RPSA2: variants seen among roughly 807,000 people sequenced by gnomAD.
The protein encoded by RPSA2 is small ribosomal subunit protein uS2B.
At chr19:23,784,389 C>T in the RPSA2 span, among the ~76,000 whole-genome samples, 2 of 152,190 alleles carry the variant, frequency 1.3e-5, no homozygotes, top group African/African-American at 4.8e-5. Context: ...GAATGCACTC[C>T]ACAGTTGGAA....
the RPSA2 span, among the ~76,000 whole-genome samples, chr19:23,811,699 AACC>A: frequency 0.98 from 148,839 of 152,168 alleles, 72,884 homozygotes; most frequent in Middle Eastern, 1. Flanking sequence ...TAAAATTTTC[AACC>A]ACTTTTGTCA....
At chr19:23,823,787 G>A in the RPSA2 span, 16 of 152,512 alleles carry the variant, frequency 1.0e-4, no homozygotes, top group African/African-American at 3.6e-4. Flanking sequence ...TAGCCCCTTA[G>A]ATTCTGTTGT....
chr19:23,868,315 C>T, the RPSA2 span, among the ~76,000 whole-genome samples: 4 of 152,152 alleles, frequency 2.6e-5, no homozygotes, highest in Admixed American at 6.6e-5. Context: ...GTGAGACATC[C>T]GGTCATGTAT....
the RPSA2 span, chr19:23,827,686 G>C: frequency 6.3e-7 from 1 of 1,594,416 alleles, no homozygotes; most frequent in Non-Finnish European, 8.5e-7. Context: ...GTTTGATGTG[G>C]TGGATGCTGG....
At chr19:23,832,100 C>T in the RPSA2 span, 4 of 451,726 alleles carry the variant, frequency 8.9e-6, no homozygotes, top group Non-Finnish European at 1.8e-5. Context: ...TCAACCCTTA[C>T]TACACATAAA....
chr19:23,759,116 C>T, the RPSA2 span, among the ~76,000 whole-genome samples: 1 of 152,166 alleles, frequency 6.6e-6, no homozygotes, highest in Non-Finnish European at 1.5e-5. Context: ...GCCCACCCAA[C>T]AGGGTATTTG....
At chr19:23,869,746 C>G in the RPSA2 span, among the ~76,000 whole-genome samples, 36 of 152,134 alleles carry the variant, frequency 2.4e-4, no homozygotes, top group Non-Finnish European at 4.4e-5. Context: ...AGGTCCAATT[C>G]AAGAAACAAT....
At chr19:23,866,019 C>T in the RPSA2 span, among the ~76,000 whole-genome samples, 2 of 152,104 alleles carry the variant, frequency 1.3e-5, no homozygotes, top group Non-Finnish European at 2.9e-5. Flanking sequence ...GTGTGCAGAC[C>T]AGGCTAGGCA....
chr19:23,828,876 T>C, the RPSA2 span, among the ~76,000 whole-genome samples: 1 of 151,958 alleles, frequency 6.6e-6, no homozygotes, highest in Non-Finnish European at 1.5e-5. Context: ...TTATATTGCT[T>C]TCTGTGTGTT....
chr19:23,857,225 TG>T, the RPSA2 span, among the ~76,000 whole-genome samples: 1 of 152,210 alleles, frequency 6.6e-6, no homozygotes, highest in African/African-American at 2.4e-5. Flanking sequence ...ACAATCAATT[TG>T]TACAGTTAAC....
At chr19:23,782,857 C>T in the RPSA2 span, among the ~76,000 whole-genome samples, 4 of 152,082 alleles carry the variant, frequency 2.6e-5, no homozygotes, top group Non-Finnish European at 4.4e-5. Flanking sequence ...CCACAAGAGA[C>T]ATTGTGACAT....
At chr19:23,834,230 T>C in the RPSA2 span, among the ~76,000 whole-genome samples, 389 of 152,190 alleles carry the variant, frequency 2.6e-3, 1 homozygote, top group Non-Finnish European at 4.2e-3. Flanking sequence ...TGGAGAGTTA[T>C]AATTACATTC....
the RPSA2 span, among the ~76,000 whole-genome samples, chr19:23,857,800 T>G: frequency 6.6e-6 from 1 of 152,080 alleles, no homozygotes; most frequent in Non-Finnish European, 1.5e-5. Flanking sequence ...TGGCCCTTTT[T>G]TAAAGTCTTA....
At chr19:23,839,289 A>G in the RPSA2 span, among the ~76,000 whole-genome samples, 1 of 152,222 alleles carries the variant, frequency 6.6e-6, no homozygotes, top group Admixed American at 6.5e-5. Context: ...TTCCACTGTG[A>G]TCTGAGAGAG....
At chr19:23,832,401 A>G in the RPSA2 span, 1 of 506,506 alleles carries the variant, frequency 2.0e-6, no homozygotes, top group Non-Finnish European at 4.0e-6. Context: ...AATGTGAAGA[A>G]TGTGGCAAAG....
At chr19:23,858,265 T>A in the RPSA2 span, among the ~76,000 whole-genome samples, 1 of 108,504 alleles carries the variant, frequency 9.2e-6, no homozygotes, top group African/African-American at 3.6e-5. Context: ...GTAGGTAGGG[T>A]GGGGGGTGGG....
At chr19:23,813,138 G>A in the RPSA2 span, among the ~76,000 whole-genome samples, 1 of 151,528 alleles carries the variant, frequency 6.6e-6, no homozygotes, top group African/African-American at 2.4e-5. Context: ...GAGAGAATGA[G>A]GGGCAGGGTT....
At chr19:23,842,027 C>G in the RPSA2 span, among the ~76,000 whole-genome samples, 8 of 152,172 alleles carry the variant, frequency 5.3e-5, no homozygotes, top group Non-Finnish European at 1.0e-4. Context: ...CAGGTTCTAT[C>G]AGTTACTAGA....
the RPSA2 span, chr19:23,762,986 T>A: frequency 6.6e-6 from 1 of 152,298 alleles, no homozygotes; most frequent in Non-Finnish European, 1.5e-5. Flanking sequence ...CGCGGGGTCT[T>A]TACCTCTTGC....
Sources: allele counts gnomAD v4.1 joint callset (sites outside exome capture counted in the v4.1 genomes callset), GRCh38; gene constraint gnomAD v4.1.1; transcripts MANE v1.5; gene names NCBI Gene and HGNC (gene_info 2026-07-23, HGNC 2026-07-21).